The following BRI3 variants were observed in gnomAD, a reference collection of about 807,000 sequenced individuals.
The protein encoded by BRI3 is membrane protein BRI3.
Under a neutral mutation model 12.8 loss-of-function variants are expected in BRI3, and 6 were observed. The observed-to-expected ratio is 0.47, with a 90% CI of 0.26 to 0.93. The LOEUF (loss-of-function observed/expected upper bound fraction) is 0.93, where lower values mean the gene tolerates loss of function less well. Among genes scored for constraint, BRI3 ranks in the 40% least tolerant of loss-of-function variants. The pLI is 0.15. For missense variants in BRI3, 134 were observed against 171.1 expected (o/e 0.78, Z 1.21); for synonymous variants, 91 against 76.1 (o/e 1.20, Z -1.02).
downstream of BRI3, among the ~76,000 whole-genome samples, chr7:98,297,569 C>T (rs1218632508): frequency 6.6e-6 from 1 of 152,228 alleles, no homozygotes; most frequent in Non-Finnish European, 1.5e-5. Flanking sequence ...TCACTGACAC[C>T]TGTCTTCAGT....
upstream of BRI3, among the ~76,000 whole-genome samples, chr7:98,305,059 T>TG (rs1562966178): frequency 5.4e-5 from 8 of 146,864 alleles, no homozygotes; most frequent in Admixed American, 5.4e-4. Context: ...TTTTTTTTTT[T>TG]TTTTTTTTTT....
At chr7:98,303,699 G>A (rs1323303230), upstream of BRI3, among the ~76,000 whole-genome samples, 2 of 152,244 alleles carry the variant, frequency 1.3e-5, no homozygotes, top group Admixed American at 6.5e-5. Flanking sequence ...CCAGAGGCAC[G>A]TTAGGGTTAT....
chr7:98,293,588 T>C (rs773576571), downstream of BRI3: 2 of 1,612,606 alleles, frequency 1.2e-6, no homozygotes, highest in Admixed American at 1.7e-5. Context: ...GGCAAAGGGG[T>C]TTTCTCCGCT....
downstream of BRI3, among the ~76,000 whole-genome samples, chr7:98,314,063 G>A (rs1800984704): frequency 7.2e-6 from 1 of 137,940 alleles, no homozygotes; most frequent in Admixed American, 8.3e-5. Context: ...TGGGCTCACT[G>A]CAACCTCAGC....
chr7:98,293,421 C>T (rs373401511), downstream of BRI3: 43 of 1,113,760 alleles, frequency 3.9e-5, no homozygotes, highest in South Asian at 5.2e-4. Flanking sequence ...TTAGGCCTCT[C>T]CACTGAAGCT....
rs949700849 is a variant in BRI3 at position 98,291,127 on chromosome 7, G to T, written c.262G>T (p.Asp88Tyr). The T allele has an allele frequency of 3.7e-6, 6 of 1,614,048 alleles. No individual in the cohort carries two copies. In the African/African-American group the frequency reaches 6.7e-5, roughly 18 times the overall value. ...CPVCRVGVLE[D>Y]CFTFLGIFLA... ...CTGCTGCAGGGTTGGGGTGCTGGAG[G>T]ACTGCTTCACCTTCCTGGGCATCTT... Residue 88 changes from aspartate to tyrosine, a missense_variant, in exon 3 of 3, where the codon GAC becomes TAC. Physicochemically the swap from Asp to Tyr is radical, Grantham distance 160. Coordinates refer to ENST00000297290, the MANE Select transcript of BRI3 (RefSeq NM_015379.5).
downstream of BRI3, chr7:98,311,954 AAAGGT>A: frequency 1.3e-6 from 1 of 791,038 alleles, no homozygotes; most frequent in Non-Finnish European, 2.0e-6. Context: ...CTTCGCCCCT[AAAGGT>A]AAGGGGATAG....
chr7:98,284,089 C>A (rs1003895793), intron 2 of BRI3, among the ~76,000 whole-genome samples: 3 of 152,188 alleles, frequency 2.0e-5, no homozygotes, highest in Admixed American at 2.0e-4. Context: ...ATCTTGGGCT[C>A]GGCCCTCAGA....
chr7:98,319,012 G>A, the BRI3 span, among the ~76,000 whole-genome samples: 1 of 151,862 alleles, frequency 6.6e-6, no homozygotes, highest in East Asian at 1.9e-4. Flanking sequence ...ATTAGATAAC[G>A]TATGTAAATC....
downstream of BRI3, among the ~76,000 whole-genome samples, chr7:98,294,689 G>A (rs895393211): frequency 1.3e-5 from 2 of 152,208 alleles, no homozygotes; most frequent in African/African-American, 2.4e-5. Context: ...CTAGTGACTG[G>A]GATGTGCTTT....
At chr7:98,297,557 CCTCA>C (rs930741637), downstream of BRI3, among the ~76,000 whole-genome samples, 2 of 152,194 alleles carry the variant, frequency 1.3e-5, no homozygotes, top group African/African-American at 4.8e-5. Context: ...CAAAAGTGGC[CCTCA>C]CTGACACCTG....
rs572866465 is a variant in BRI3, at chr7:98,282,759, C to G, written c.245+306C>G. 6.6e-5 allele frequency: 22 copies of G among 331,326 alleles called. No individual in the cohort carries two copies. The East Asian group carries it at 1.3e-3, about 19-fold the overall frequency. 20.5% of individuals were successfully genotyped at this position (331,326 alleles called of 1,614,324 possible). ...GTAACAACGGGACTCGTGGTCCTTT[C>G]GTCTTTGTTCTGGGACTTGCAAGGA... On this transcript the variant is annotated intron_variant, in intron 2 of 2. Transcript: ENST00000297290.
upstream of BRI3, among the ~76,000 whole-genome samples, chr7:98,305,041 T>TTG (rs1800592157): frequency 8.7e-6 from 1 of 115,024 alleles, no homozygotes; most frequent in African/African-American, 4.1e-5. Context: ...AATTTTTTTG[T>TTG]TTTTTGTTTT....
upstream of BRI3, among the ~76,000 whole-genome samples, chr7:98,301,650 C>A (rs2116825520): frequency 6.6e-6 from 1 of 151,964 alleles, no homozygotes; most frequent in South Asian, 2.1e-4. Context: ...AAAGGGGGAA[C>A]CTGAAGATGA....
chr7:98,287,805 C>A (rs1215147939), intron 2 of BRI3, among the ~76,000 whole-genome samples: 1 of 152,222 alleles, frequency 6.6e-6, no homozygotes, highest in African/African-American at 2.4e-5. Context: ...TGAAGCCCCA[C>A]CCCTGCCCAT....
downstream of BRI3, chr7:98,293,414 G>A (rs1314340865): frequency 8.9e-6 from 9 of 1,015,610 alleles, no homozygotes; most frequent in Admixed American, 1.6e-4. Flanking sequence ...ATTAGAGTTA[G>A]GCCTCTCCAC....
At chr7:98,294,299 G>A (rs1459892613), downstream of BRI3, among the ~76,000 whole-genome samples, 1 of 152,152 alleles carries the variant, frequency 6.6e-6, no homozygotes, top group Non-Finnish European at 1.5e-5. Flanking sequence ...GGCCTGTATT[G>A]GAGATTTTTA....
the BRI3 span, chr7:98,315,600 C>G: frequency 7.2e-7 from 1 of 1,396,658 alleles, no homozygotes; most frequent in Non-Finnish European, 9.4e-7. Flanking sequence ...CGAGAAGTAA[C>G]GGTCTCCACA....
chr7:98,288,664 C>G (rs1269333947), intron 2 of BRI3, among the ~76,000 whole-genome samples: 1 of 151,962 alleles, frequency 6.6e-6, no homozygotes, highest in Non-Finnish European at 1.5e-5. Context: ...CAGGACTTCT[C>G]AGAGCCTTTT....
Sources: gnomAD v4.1 joint callset for allele counts (sites outside exome capture counted in the v4.1 genomes callset) on GRCh38, gnomAD v4.1.1 for gene constraint, MANE v1.5 for transcripts, NCBI Gene and HGNC (gene_info 2026-07-23, HGNC 2026-07-21) for gene names.